Variants in DTWD1 observed in about 807,000 individuals in gnomAD.
DTWD1 encodes DTW motif tRNA-uridine aminocarboxypropyltransferase 1.
A neutral mutation model predicts 30.2 loss-of-function variants in DTWD1; 27 were observed. The observed-to-expected ratio is 0.90, with a 90% confidence interval of 0.66 to 1.23. The LOEUF (loss-of-function observed/expected upper bound fraction) is 1.23. Ranked by LOEUF, DTWD1 falls within the 50% of genes most tolerant of loss-of-function variation. DTWD1 has a pLI of 0.00. For missense variants in DTWD1, 342 were observed against 348.8 expected (o/e 0.98, Z 0.15); for synonymous variants, 99 against 113.1 (o/e 0.88, Z 0.79).
rs1398809573 is a variant in DTWD1 at position 49,625,266 on chromosome 15, A to T, written c.99A>T (p.Glu33Asp). 2 of 1,613,682 alleles carry T rather than the reference A, an allele frequency of 1.2e-6. No individual in the cohort carries two copies. Among genetic ancestry groups the T allele is most frequent in the East Asian group, 4.5e-5 (2 of 44,804 alleles). ...CACAAACTACTTCCATAGCTTCAGA[A>T]GATCCCCTTCAAAACTTATGTTTAG... ...KQSQTTSIAS[E>D]DPLQNLCLAS... Residue 33 changes from glutamate to aspartate, a missense_variant, in exon 2 of 5, where the codon GAA becomes GAT. By Grantham distance (45) the Glu-to-Asp change is conservative (BLOSUM62 2). Coordinates refer to ENST00000403028, the MANE Select transcript of DTWD1 (RefSeq NM_001144955.2).
chr15:49,634,849 A>T (rs2078980619), intron 4 of DTWD1, 55 bp downstream of exon 4: 2 of 1,481,500 alleles, frequency 1.3e-6, no homozygotes, highest in Non-Finnish European at 1.8e-6. Context: ...TTTTGAAAAA[A>T]CTTCAAACTT....
chr15:49,626,029 C>A (rs11633135), intron 2 of DTWD1, among the ~76,000 whole-genome samples: 1 of 151,968 alleles, frequency 6.6e-6, no homozygotes, highest in Non-Finnish European at 1.5e-5. Context: ...AAATTTAGCC[C>A]TACAGACCAC....
At position 49,647,639 on chromosome 15, in the gene DTWD1, T is replaced by C. The variant is rs2079128303; in HGVS notation, c.*4061T>C. ...AATTAAAAGACCCTAGTGAAAACTTTAACCAAACACTTACTGACCCTACAT... is the reference window on the plus strand; with the variant it reads ...AATTAAAAGACCCTAGTGAAAACTTCAACCAAACACTTACTGACCCTACAT... On this transcript the variant is annotated 3_prime_UTR_variant, in exon 5 of 5. Coordinates refer to ENST00000403028, the MANE Select transcript of DTWD1 (RefSeq NM_001144955.2). 2 of 152,138 alleles carry C rather than the reference T, an allele frequency of 1.3e-5. No individual in the cohort carries two copies. The highest frequency in any genetic ancestry group is 1.3e-4 in the Admixed American group (2 of 15,254). 9.4% of individuals were successfully genotyped at this position (152,138 alleles called of 1,614,324 possible). A position where few individuals can be genotyped will look rare whatever the true frequency, so the allele number is the denominator to read the frequency against.
chr15:49,640,841 G>T (rs956348498), intron 4 of DTWD1, among the ~76,000 whole-genome samples: 2 of 151,844 alleles, frequency 1.3e-5, no homozygotes, highest in East Asian at 1.9e-4. Flanking sequence ...GCAGTTTGTG[G>T]TTCATCTTTT....
intron 2 of DTWD1, 64 bp from the exon 3 acceptor site, chr15:49,632,095 T>C: frequency 7.2e-7 from 1 of 1,385,358 alleles, no homozygotes; most frequent in African/African-American, 1.5e-5. Context: ...TTAAAGACCC[T>C]TTTTATTAAC....
Position 49,647,514 on chromosome 15 carries a change from C to T in DTWD1, c.*3936C>T, listed in dbSNP as rs1049655719. Reference sequence around the variant, plus strand: ...CAATAGATAAGGTACCTAAGAGCCTCGAAACATCACCAAATACCATGAATG... The same window carrying T: ...CAATAGATAAGGTACCTAAGAGCCTTGAAACATCACCAAATACCATGAATG... On this transcript the variant is annotated 3_prime_UTR_variant, in exon 5 of 5. Coordinates refer to ENST00000403028, the MANE Select transcript of DTWD1 (RefSeq NM_001144955.2). 1.3e-5 allele frequency: 2 copies of T among 152,070 alleles called. No individual in the cohort carries two copies. Among genetic ancestry groups the T allele is most frequent in the African/African-American group, 4.8e-5 (2 of 41,402 alleles). 9.4% of individuals were successfully genotyped at this position (152,070 alleles called of 1,614,324 possible). A position where few individuals can be genotyped will look rare whatever the true frequency, so the allele number is the denominator to read the frequency against.
Position 49,643,331 on chromosome 15 carries a change from G to C in DTWD1, c.668G>C (p.Gly223Ala). Residue 223 changes from glycine (G) to alanine (A), a missense_variant and splice_region_variant, in exon 5 of 5, where the codon GGG becomes GCG. By Grantham distance (60) the Gly-to-Ala change is moderately conservative (BLOSUM62 0). Coordinates refer to ENST00000403028, the MANE Select transcript of DTWD1 (RefSeq NM_001144955.2). ...NKIFTDERLQ[G>A]LLQVELKTRK... Reference sequence around the variant, plus strand: ...CTTTTTTTTTTTTTTTTTTTGACAGGGTTGTTACAAGTTGAGTTGAAAACA... The same window carrying C: ...CTTTTTTTTTTTTTTTTTTTGACAGCGTTGTTACAAGTTGAGTTGAAAACA... 6.8e-7 allele frequency: 1 copy of C among 1,472,678 alleles called. No individual in the cohort carries two copies. Among genetic ancestry groups the C allele is most frequent in the Non-Finnish European group, 8.9e-7 (1 of 1,121,196 alleles). 91.2% of individuals were successfully genotyped at this position (1,472,678 alleles called of 1,614,324 possible). A position where few individuals can be genotyped will look rare whatever the true frequency, so the allele number is the denominator to read the frequency against.
At chr15:49,632,623 G>C (rs1366184241) in intron 3 of DTWD1, among the ~76,000 whole-genome samples, 1 of 152,058 alleles carries the variant, frequency 6.6e-6, no homozygotes, top group Non-Finnish European at 1.5e-5. Flanking sequence ...ACATATAGAT[G>C]ATCTAATTTG....
chr15:49,636,070 A>T (rs1292683482), intron 4 of DTWD1, among the ~76,000 whole-genome samples: 2 of 152,124 alleles, frequency 1.3e-5, no homozygotes, highest in Non-Finnish European at 2.9e-5. Flanking sequence ...ATTTTCTGGG[A>T]TATTATAGAA....
Position 49,651,284 on chromosome 15 carries a change from A to G in DTWD1, c.*7706A>G, listed in dbSNP as rs2079150578. The G allele has an allele frequency of 2.0e-5, 3 of 152,290 alleles. No homozygotes were observed. Among genetic ancestry groups the G allele is most frequent in the African/African-American group, 7.2e-5 (3 of 41,570 alleles). 9.4% of individuals were successfully genotyped at this position (152,290 alleles called of 1,614,324 possible). A position where few individuals can be genotyped will look rare whatever the true frequency, so the allele number is the denominator to read the frequency against. ...CATGTGAATGGACATACTTGTGTCA[A>G]GTATGTACATGAACTGTGAAGGTCT... is the stretch of plus-strand genomic sequence containing the variant. On this transcript the variant is annotated 3_prime_UTR_variant, in exon 5 of 5. Transcript: ENST00000403028.
At chr15:49,635,883 G>A (rs1405962296) in intron 4 of DTWD1, among the ~76,000 whole-genome samples, 1 of 152,090 alleles carries the variant, frequency 6.6e-6, no homozygotes, top group Non-Finnish European at 1.5e-5. Context: ...TTTCTCATAT[G>A]TGTACAGCTG....
In DTWD1 at chr15:49,633,832, G is replaced by A. The variant is rs141045307; in HGVS notation, c.409-704G>A. 5.7e-3 allele frequency among the ~76,000 whole-genome samples: 864 copies of A among 152,188 alleles called. 10 individuals are homozygous for A. The highest frequency in any genetic ancestry group is 0.02 in the African/African-American group (829 of 41,514). ...TTGTGCCAGGAGCTGTTCAGACATT[G>A]GAAGCTCTAACAATATAAATCTCAG... On this transcript the variant is annotated intron_variant, in intron 3 of 4. Transcript: ENST00000403028.
At chr15:49,623,661 C>G (rs2078799963) in intron 1 of DTWD1, 1 of 152,138 alleles carries the variant, frequency 6.6e-6, no homozygotes, top group African/African-American at 2.4e-5. Flanking sequence ...TCTGTATATG[C>G]ATTTTCTAGG....
intron 2 of DTWD1, among the ~76,000 whole-genome samples, chr15:49,630,507 G>A (rs756866779): frequency 1.3e-5 from 2 of 152,082 alleles, no homozygotes; most frequent in African/African-American, 2.4e-5. Context: ...ATATAGTAAG[G>A]GAGATATGAT....
chr15:49,625,527 G>A, intron 2 of DTWD1, 96 bp downstream of exon 2: 4 of 1,191,160 alleles, frequency 3.4e-6, no homozygotes, highest in African/African-American at 1.5e-5. Context: ...AATAAATAAT[G>A]TTATTATTGT....
rs1287269149 is a variant in DTWD1 at position 49,645,724 on chromosome 15, T to C, written c.*2146T>C. On this transcript the variant is annotated 3_prime_UTR_variant, in exon 5 of 5. Transcript: ENST00000403028. ...ATTCTATCACTCATTTGCCTCCATC[T>C]CTCAGCTGGCATAAGAAAGATGACC... 6.6e-6 allele frequency: 1 copy of C among 151,968 alleles called. No homozygotes were observed. Among genetic ancestry groups the C allele is most frequent in the Non-Finnish European group, 1.5e-5 (1 of 67,964 alleles). The allele number at this position is 151,968 out of a possible 1,614,324, so 9.4% of individuals were successfully genotyped here. A position where few individuals can be genotyped will look rare whatever the true frequency, so the allele number is the denominator to read the frequency against.
At chr15:49,629,910 CA>C (rs1250248391) in intron 2 of DTWD1, 1 of 152,090 alleles carries the variant, frequency 6.6e-6, no homozygotes, top group East Asian at 1.9e-4. Context: ...CAAGGTCCTC[CA>C]GGGGTGTATT....
At chr15:49,634,162 T>C (rs924919073) in intron 3 of DTWD1, among the ~76,000 whole-genome samples, 2 of 152,220 alleles carry the variant, frequency 1.3e-5, no homozygotes, top group South Asian at 2.1e-4. Context: ...GCTTATGATA[T>C]AGATGAAAAT....
intron 1 of DTWD1, among the ~76,000 whole-genome samples, chr15:49,621,845 G>C (rs2078730227): frequency 1.3e-5 from 2 of 152,128 alleles, no homozygotes; most frequent in African/African-American, 4.8e-5. Flanking sequence ...ATGAATGTTG[G>C]ACCTGTAGGT....
Sources: allele counts gnomAD v4.1 joint callset (sites outside exome capture counted in the v4.1 genomes callset), GRCh38; gene constraint gnomAD v4.1.1; transcripts MANE v1.5; gene names NCBI Gene and HGNC (gene_info 2026-07-23, HGNC 2026-07-21).